Variants in IST1 observed in about 807,000 individuals in gnomAD.
The protein encoded by IST1 is IST1 homolog.
A neutral mutation model predicts 37.0 loss-of-function variants in IST1; 23 were observed. The ratio of observed to expected loss-of-function variants is 0.62; its 90% CI spans 0.45 to 0.88. The LOEUF (loss-of-function observed/expected upper bound fraction) is 0.88. Among genes scored for constraint, IST1 ranks in the 40% least tolerant of loss-of-function variants. The probability of loss-of-function intolerance (pLI) is 0.00; values close to 1 mark genes in which losing one functional copy is unlikely to be tolerated. For synonymous variants in IST1, 180 were observed against 161.7 expected (o/e 1.11, Z -0.86); for missense variants, 488 against 445.4 (o/e 1.10, Z -0.86).
At chr16:71,923,200 A>C in intron 7 of IST1, 88 bp from the exon 8 acceptor site, 1 of 672,346 alleles carries the variant, frequency 1.5e-6, no homozygotes, top group South Asian at 1.9e-5. Context: ...GAGAATATAA[A>C]TGTATTTCTT....
chr16:71,915,762 T>C lies in IST1; in HGVS notation c.88+34T>C, dbSNP rs960044227. On this transcript the variant is annotated intron_variant, in intron 2 of 9. Transcript: ENST00000378799. The stretch of plus-strand genomic sequence containing the variant: ...TGTACTTTTTTTCCCCAAAAATAAA[T>C]CACTGGATACTAGCACCCCAGTAAT... 6.0e-6 allele frequency: 8 copies of C among 1,331,406 alleles called. No homozygotes were observed. The African/African-American group carries it at 1.0e-4, about 17-fold the overall frequency. The allele number at this position is 1,331,406 out of a possible 1,614,324, so 82.5% of individuals were successfully genotyped here.
At position 71,929,805 on chromosome 16, in the gene IST1, C is replaced by A; in HGVS notation, c.*1992C>A. 9.2e-7 allele frequency: 1 copy of A among 1,083,234 alleles called. No homozygotes were observed. Among genetic ancestry groups the A allele is most frequent in the South Asian group, 1.7e-5 (1 of 57,674 alleles). 67.1% of individuals were successfully genotyped at this position (1,083,234 alleles called of 1,614,324 possible). A position where few individuals can be genotyped will look rare whatever the true frequency, so the allele number is the denominator to read the frequency against. Reference sequence around the variant, plus strand: ...AAGATACTATTTCTTTAATAATTTGCAGTCAGGCATTGGAGTGTTTCCACT... The same window carrying A: ...AAGATACTATTTCTTTAATAATTTGAAGTCAGGCATTGGAGTGTTTCCACT... On this transcript the variant is annotated 3_prime_UTR_variant, in exon 10 of 10. Coordinates refer to ENST00000378799, the MANE Select transcript of IST1 (RefSeq NM_001270975.2).
chr16:71,923,471 ATCAACTCCTAGTACTG>A (rs2037660096), intron 8 of IST1, 91 bp downstream of exon 8: 5 of 767,130 alleles, frequency 6.5e-6, no homozygotes, highest in Non-Finnish European at 1.1e-5. Flanking sequence ...CAGAGTTTTG[ATCAACTCCTAGTACTG>A]TCATCATTTT....
chr16:71,906,547 C>G (rs1416754054), intron 1 of IST1, among the ~76,000 whole-genome samples: 1 of 151,686 alleles, frequency 6.6e-6, no homozygotes, highest in Admixed American at 6.6e-5. Context: ...ACTCCTGACC[C>G]CAGGTGATCC....
At position 71,921,342 on chromosome 16, in the gene IST1, G is replaced by A; in HGVS notation, c.442-1G>A. 1 of 1,600,008 alleles carries A rather than the reference G, an allele frequency of 6.2e-7. No individual in the cohort carries two copies. Among genetic ancestry groups the A allele is most frequent in the Non-Finnish European group, 8.6e-7 (1 of 1,168,234 alleles). On this transcript the variant is annotated splice_acceptor_variant, in intron 5 of 9. Coordinates refer to ENST00000378799, the MANE Select transcript of IST1 (RefSeq NM_001270975.2). LOFTEE classifies it high-confidence loss of function. ...TTAGCCCTGGGTCTTTTTACTTACA[G>A]CTAATGCACAAGCTGAGTGTGGAAG...
rs1308317651 is a variant in IST1, at chr16:71,915,617, T to G, written c.-15-9T>G. 1 of 1,590,200 alleles carries G rather than the reference T, an allele frequency of 6.3e-7. No individual in the cohort carries two copies. Among genetic ancestry groups the G allele is most frequent in the African/African-American group, 1.4e-5 (1 of 73,626 alleles). ...TTGAAAATAGTCATTGTGCTTCTTCTGTTTCTAGGAGGAACAGCACAGCAT... is the reference window on the plus strand; with the variant it reads ...TTGAAAATAGTCATTGTGCTTCTTCGGTTTCTAGGAGGAACAGCACAGCAT... On this transcript the variant is annotated splice_polypyrimidine_tract_variant and intron_variant, in intron 1 of 9. Transcript: ENST00000378799.
chr16:71,894,985 C>A (rs2036932710), upstream of IST1: 1 of 681,036 alleles, frequency 1.5e-6, no homozygotes, highest in South Asian at 1.7e-5. Context: ...CAAAGGGCAA[C>A]CGGACGGCTT....
intron 1 of IST1, among the ~76,000 whole-genome samples, chr16:71,914,738 T>A (rs541679522): frequency 1.1e-4 from 17 of 152,226 alleles, no homozygotes; most frequent in Non-Finnish European, 1.6e-4. Flanking sequence ...TACTGCTCTT[T>A]CTTTCTTTGG....
rs1229152311 is a variant in IST1 at position 71,929,766 on chromosome 16, A to C, written c.*1953A>C. 2 of 1,252,988 alleles carry C rather than the reference A, an allele frequency of 1.6e-6. No individual in the cohort carries two copies. Among genetic ancestry groups the C allele is most frequent in the South Asian group, 1.6e-5 (1 of 63,526 alleles). The allele number at this position is 1,252,988 out of a possible 1,614,324, so 77.6% of individuals were successfully genotyped here. Reference sequence around the variant, plus strand: ...AAAAAAGTACCAAAGATTTTTAAAAAATTAGTAAATGTAAAGATACTATTT... The same window carrying C: ...AAAAAAGTACCAAAGATTTTTAAAACATTAGTAAATGTAAAGATACTATTT... On this transcript the variant is annotated 3_prime_UTR_variant, in exon 10 of 10. Transcript: ENST00000378799.
chr16:71,926,428 C>G (rs1011758906), intron 9 of IST1, among the ~76,000 whole-genome samples: 9 of 151,792 alleles, frequency 5.9e-5, no homozygotes, highest in Non-Finnish European at 1.3e-4. Flanking sequence ...ATTGCAAGCT[C>G]CACCTCCCGG....
chr16:71,924,879 T>C, intron 9 of IST1, 62 bp downstream of exon 9: 1 of 1,152,302 alleles, frequency 8.7e-7, no homozygotes, highest in Non-Finnish European at 1.3e-6. Flanking sequence ...GTTTTCTCAT[T>C]ATTGTTCCTC....
chr16:71,925,011 ATTTTTTT>A (rs539063040), intron 9 of IST1, among the ~76,000 whole-genome samples, 194 bp downstream of exon 9: 1 of 132,336 alleles, frequency 7.6e-6, no homozygotes, highest in Non-Finnish European at 1.6e-5. Flanking sequence ...TAGCTCAGTG[ATTTTTTT>A]TTTTTTTTTT....
chr16:71,904,382 A>G (rs1397080565), intron 1 of IST1, among the ~76,000 whole-genome samples: 1 of 152,196 alleles, frequency 6.6e-6, no homozygotes, highest in Non-Finnish European at 1.5e-5. Flanking sequence ...TCGGCCTGCC[A>G]AAGTTTTGGG....
intron 8 of IST1, chr16:71,923,965 T>G: frequency 2.8e-6 from 1 of 356,482 alleles, no homozygotes; most frequent in East Asian, 7.8e-5. Flanking sequence ...TTTTGAGACC[T>G]GTCTCCATCT....
At chr16:71,915,184 C>T (rs768454363) in intron 1 of IST1, among the ~76,000 whole-genome samples, 47 of 152,138 alleles carry the variant, frequency 3.1e-4, no homozygotes, top group Non-Finnish European at 6.3e-4. Context: ...TAATCATCTT[C>T]CCCCATTGCC....
chr16:71,916,998 T>A, intron 3 of IST1, 49 bp from the exon 4 acceptor site: 1 of 1,225,422 alleles, frequency 8.2e-7, no homozygotes, highest in Middle Eastern at 2.1e-4. Context: ...AGCTAGGATT[T>A]TGTTGGTTTG....
chr16:71,925,158 GC>G, intron 9 of IST1, among the ~76,000 whole-genome samples: 1 of 149,370 alleles, frequency 6.7e-6, no homozygotes, highest in Non-Finnish European at 1.5e-5. Flanking sequence ...GACTACAGGC[GC>G]CCGCCACCAT....
chr16:71,910,666 C>T (rs758064396), intron 1 of IST1, among the ~76,000 whole-genome samples: 3 of 151,630 alleles, frequency 2.0e-5, no homozygotes, highest in South Asian at 2.1e-4. Context: ...GTATGATCTG[C>T]GATTTCAGGC....
At chr16:71,922,151 C>A (rs1270221669) in intron 6 of IST1, among the ~76,000 whole-genome samples, 1 of 151,576 alleles carries the variant, frequency 6.6e-6, no homozygotes, top group African/African-American at 2.4e-5. Context: ...AAAAAAAAAA[C>A]CATCCGCCAG....
Sources: allele counts gnomAD v4.1 joint callset (sites outside exome capture counted in the v4.1 genomes callset), GRCh38; gene constraint gnomAD v4.1.1; transcripts MANE v1.5; gene names NCBI Gene and HGNC (gene_info 2026-07-23, HGNC 2026-07-21).